Variants in PBRM1 observed in about 807,000 individuals in gnomAD.
PBRM1 encodes protein polybromo-1.
Under a neutral mutation model 194.5 loss-of-function variants are expected in PBRM1, and 27 were observed. The ratio of observed to expected loss-of-function variants is 0.14; its 90% CI spans 0.10 to 0.19. PBRM1 has a LOEUF of 0.19. PBRM1 is among the 10% of genes least tolerant of loss of function. The probability of loss-of-function intolerance (pLI) is 1.00; values close to 1 mark genes in which losing one functional copy is unlikely to be tolerated. For missense variants in PBRM1, 1,466 were observed against 2,077.2 expected, an observed-to-expected ratio of 0.71 and a Z score of 5.72; for synonymous variants, 655 against 693.2, an observed-to-expected ratio of 0.94 and a Z score of 0.87.
At chr3:52,657,149 G>A (rs1295659766) in intron 5 of PBRM1, among the ~76,000 whole-genome samples, 1 of 152,128 alleles carries the variant, frequency 6.6e-6, no homozygotes, top group African/African-American at 2.4e-5. Flanking sequence ...GGGAGAAGAG[G>A]GGAGTGGACT....
chr3:52,685,284 T>G (rs559581366), intron 1 of PBRM1, among the ~76,000 whole-genome samples: 1 of 152,288 alleles, frequency 6.6e-6, no homozygotes, highest in South Asian at 2.1e-4. Context: ...AGCTGAAATA[T>G]CTGGCCTCTA....
chr3:52,571,323 C>CA (rs34396226), intron 22 of PBRM1, among the ~76,000 whole-genome samples: 32,672 of 88,186 alleles, frequency 0.37, 5,367 homozygotes, highest in Admixed American at 0.48. Flanking sequence ...ACACTGTCTC[C>CA]AAAAAAAAAA....
At chr3:52,624,466 G>A (rs564183629) in intron 13 of PBRM1, among the ~76,000 whole-genome samples, 55 of 152,328 alleles carry the variant, frequency 3.6e-4, no homozygotes, top group African/African-American at 1.3e-3. Context: ...AAGAAGCACT[G>A]ACCCAATGCA....
At chr3:52,572,082 T>C (rs1358344303) in intron 22 of PBRM1, among the ~76,000 whole-genome samples, 1 of 150,922 alleles carries the variant, frequency 6.6e-6, no homozygotes, top group Non-Finnish European at 1.5e-5. Flanking sequence ...CTAATTTTAA[T>C]AGTTTATCTG....
intron 22 of PBRM1, among the ~76,000 whole-genome samples, chr3:52,575,252 G>A (rs778618380): frequency 3.9e-5 from 5 of 127,452 alleles, no homozygotes; most frequent in African/African-American, 5.4e-5. Context: ...ACAAACAAAC[G>A]TTTAGAAGAG....
upstream of PBRM1, chr3:52,679,864 T>TAG (rs1207683905): frequency 7.9e-6 from 4 of 507,246 alleles, no homozygotes; most frequent in Admixed American, 1.2e-4. Flanking sequence ...CTATAAGTTT[T>TAG]TTTTTTTTTT....
intron 10 of PBRM1, among the ~76,000 whole-genome samples, chr3:52,640,424 A>C (rs1405359308): frequency 6.6e-6 from 1 of 151,348 alleles, no homozygotes; most frequent in Non-Finnish European, 1.5e-5. Flanking sequence ...GCATGCACCA[A>C]CACGCCTGAA....
At chr3:52,546,893 A>G (rs1302175887), downstream of PBRM1, 1 of 233,168 alleles carries the variant, frequency 4.3e-6, no homozygotes, top group Non-Finnish European at 8.5e-6. Flanking sequence ...TATTTTAGAA[A>G]GTATTAAATT....
intron 5 of PBRM1, among the ~76,000 whole-genome samples, chr3:52,652,604 C>G (rs566324112): frequency 2.6e-5 from 4 of 151,686 alleles, no homozygotes; most frequent in Admixed American, 6.6e-5. Context: ...GGAGGAGAAT[C>G]GCTTGAACCC....
intron 17 of PBRM1, among the ~76,000 whole-genome samples, chr3:52,597,924 G>A (rs1010702611): frequency 5.3e-5 from 8 of 152,050 alleles, no homozygotes; most frequent in Non-Finnish European, 7.4e-5. Flanking sequence ...GGCTGGTCTC[G>A]AACTCCTGAC....
At position 52,563,509 on chromosome 3, in the gene PBRM1, T is replaced by A; in HGVS notation, c.3876-16A>T. ...AATTGGTTTTCTGAAAAAAGTGACATAAAAAACCTAAAATCACCTAATGCC... is the reference window on the plus strand; with the variant it reads ...AATTGGTTTTCTGAAAAAAGTGACAAAAAAAACCTAAAATCACCTAATGCC... On this transcript the variant is annotated splice_polypyrimidine_tract_variant and intron_variant, in intron 23 of 29. Coordinates refer to ENST00000296302, the Ensembl canonical transcript of PBRM1. 1 of 1,586,546 alleles carries A rather than the reference T, an allele frequency of 6.3e-7. No individual in the cohort carries two copies. The highest frequency in any genetic ancestry group is 8.7e-7 in the Non-Finnish European group (1 of 1,155,364).
intron 10 of PBRM1, among the ~76,000 whole-genome samples, chr3:52,635,391 C>A (rs1159566403): frequency 6.6e-6 from 1 of 151,996 alleles, no homozygotes; most frequent in African/African-American, 2.4e-5. Flanking sequence ...CATGGTGAAA[C>A]CCCGTCTCTA....
At chr3:52,673,208 G>A (rs1040687204) in intron 2 of PBRM1, among the ~76,000 whole-genome samples, 4 of 149,956 alleles carry the variant, frequency 2.7e-5, no homozygotes, top group Admixed American at 1.3e-4. Flanking sequence ...GGCTGGTCTC[G>A]AACTCCTGAC....
At chr3:52,629,504 G>T (rs2095549809) in intron 11 of PBRM1, among the ~76,000 whole-genome samples, 2 of 152,316 alleles carry the variant, frequency 1.3e-5, no homozygotes, top group Admixed American at 1.3e-4. Context: ...TACTGACAGT[G>T]CAAAGTATTT....
rs2093268004 is a variant in PBRM1, at chr3:52,593,257, TTC to T, written c.2780-4004_2780-4003del. On this transcript the variant is annotated intron_variant, in intron 17 of 29. Coordinates refer to ENST00000296302, the Ensembl canonical transcript of PBRM1. ...AAGTTAGGTTGTTAATTTGAGATCT[TTC>T]TTTTTTTTTTTAAACAAGAGTCTTG... is the stretch of plus-strand genomic sequence containing the variant. 2.0e-5 allele frequency among the ~76,000 whole-genome samples: 3 copies of T among 152,162 alleles called. No individual in the cohort carries two copies. In the South Asian group the frequency reaches 6.2e-4, roughly 32 times the overall value.
At chr3:52,587,588 T>TC in intron 18 of PBRM1, 78 bp from the exon 21 acceptor site, 2 of 1,128,356 alleles carry the variant, frequency 1.8e-6, no homozygotes, top group Non-Finnish European at 2.5e-6. Context: ...TTTTTTTTTT[T>TC]TTAAAGAGAC....
intron 12 of PBRM1, among the ~76,000 whole-genome samples, chr3:52,628,540 G>A (rs543659284): frequency 1.3e-5 from 2 of 151,414 alleles, no homozygotes; most frequent in East Asian, 1.9e-4. Flanking sequence ...GTGCAATCTC[G>A]GCTCACTGCA....
chr3:52,574,109 C>T (rs750698391), intron 22 of PBRM1, among the ~76,000 whole-genome samples: 2 of 152,148 alleles, frequency 1.3e-5, no homozygotes, highest in African/African-American at 2.4e-5. Context: ...AACAGAATAC[C>T]ACAGACTGGG....
exon 25 of PBRM1, chr3:52,561,907 A>G: frequency 6.2e-7 from 1 of 1,614,078 alleles, no homozygotes; most frequent in Non-Finnish European, 8.5e-7. Flanking sequence ...GTAGCCACTC[A>G]TGTTGATTTT....
Sources: allele counts gnomAD v4.1 joint callset (sites outside exome capture counted in the v4.1 genomes callset), GRCh38; gene constraint gnomAD v4.1.1; transcripts MANE v1.5; gene names NCBI Gene and HGNC (gene_info 2026-07-23, HGNC 2026-07-21).